The following GALNT13 variants were observed in gnomAD, a reference collection of about 807,000 sequenced individuals.
GALNT13 encodes the protein UDP-GalNAc:polypeptide N-acetylgalactosaminyltransferase 13.
A neutral mutation model predicts 64.2 loss-of-function variants in GALNT13; 28 were observed. The ratio of observed to expected loss-of-function variants is 0.44; its 90% CI spans 0.32 to 0.60. GALNT13 has a LOEUF of 0.60. Ranked by LOEUF, GALNT13 falls within the 20% of genes least tolerant of loss-of-function variation. The pLI is 0.05. For missense variants in GALNT13, 577 were observed against 669.8 expected (o/e 0.86, Z 1.53); for synonymous variants, 214 against 224.6 (o/e 0.95, Z 0.42).
chr2:153,700,035 C>CA, the GALNT13 span, among the ~76,000 whole-genome samples: 1 of 152,064 alleles, frequency 6.6e-6, no homozygotes, highest in Non-Finnish European at 1.5e-5. Flanking sequence ...AGAGACACAA[C>CA]AAAAAACCCC....
rs1049233321 is a variant in GALNT13 at position 154,217,441 on chromosome 2, C to T, written c.312-24589C>T. On this transcript the variant is annotated intron_variant, in intron 4 of 12. Coordinates refer to ENST00000392825, the MANE Select transcript of GALNT13 (RefSeq NM_052917.4). ...TAGTGGAAAGAAAGGTTATCAACAACATTTTTTTAAGTTTATGTTTTAACT... is the reference window on the plus strand; with the variant it reads ...TAGTGGAAAGAAAGGTTATCAACAATATTTTTTTAAGTTTATGTTTTAACT... 2.0e-5 allele frequency among the ~76,000 whole-genome samples: 3 copies of T among 152,050 alleles called. No homozygotes were observed. In the South Asian group the frequency reaches 6.2e-4, roughly 32 times the overall value.
chr2:153,286,038 C>A, the GALNT13 span, among the ~76,000 whole-genome samples: 1 of 151,950 alleles, frequency 6.6e-6, no homozygotes, highest in African/African-American at 2.4e-5. Context: ...TATAGAATAA[C>A]TAATAGCAGA....
chr2:154,427,659 G>A (rs1222247797), intron 11 of GALNT13, among the ~76,000 whole-genome samples: 2 of 152,188 alleles, frequency 1.3e-5, no homozygotes, highest in Admixed American at 1.3e-4. Context: ...CCTGTTTTTA[G>A]TTGTAGAATT....
chr2:153,428,626 A>G, the GALNT13 span, among the ~76,000 whole-genome samples: 1 of 152,202 alleles, frequency 6.6e-6, no homozygotes, highest in Non-Finnish European at 1.5e-5. Context: ...GTGGACAAAA[A>G]ATTGAACTGG....
intron 4 of GALNT13, among the ~76,000 whole-genome samples, chr2:154,182,561 CTG>C (rs1331968902): frequency 6.6e-6 from 1 of 150,864 alleles, no homozygotes; most frequent in African/African-American, 2.4e-5. Context: ...AACCCAAACA[CTG>C]TTTATGTAGG....
Position 154,075,863 on chromosome 2 carries a change from A to C in GALNT13, c.143-64474A>C, listed in dbSNP as rs550217446. Among the ~76,000 whole-genome samples the C allele has an allele frequency of 6.6e-5, 10 of 151,872 alleles. No individual in the cohort carries two copies. The East Asian group carries it at 1.7e-3, about 26-fold the overall frequency. ...GCTTTGTAAAAGTTATTCACTATTG[A>C]AATGGTATGTGTCAGTCATTGCTCT... On this transcript the variant is annotated intron_variant, in intron 3 of 12. Coordinates refer to ENST00000392825, the MANE Select transcript of GALNT13 (RefSeq NM_052917.4).
chr2:153,339,061 T>C, the GALNT13 span, among the ~76,000 whole-genome samples: 2 of 152,210 alleles, frequency 1.3e-5, no homozygotes, highest in Non-Finnish European at 2.9e-5. Context: ...CTTGGCTGTG[T>C]TGAATAATGC....
intron 4 of GALNT13, among the ~76,000 whole-genome samples, chr2:154,211,508 A>T (rs868619295): frequency 6.6e-6 from 1 of 151,622 alleles, no homozygotes; most frequent in African/African-American, 2.4e-5. Flanking sequence ...CATGCCTGTA[A>T]TTCCAGCTAC....
At chr2:153,423,145 A>T in the GALNT13 span, among the ~76,000 whole-genome samples, 1 of 151,966 alleles carries the variant, frequency 6.6e-6, no homozygotes, top group Non-Finnish European at 1.5e-5. Flanking sequence ...AAAGAAAAAC[A>T]TGCACATTTA....
chr2:154,053,061 A>G (rs888232272), intron 3 of GALNT13, among the ~76,000 whole-genome samples: 1 of 152,052 alleles, frequency 6.6e-6, no homozygotes, highest in African/African-American at 2.4e-5. Flanking sequence ...TTTTTTGGTT[A>G]TCACTTTTTC....
At chr2:153,537,955 C>T in the GALNT13 span, among the ~76,000 whole-genome samples, 1 of 152,240 alleles carries the variant, frequency 6.6e-6, no homozygotes, top group East Asian at 1.9e-4. Context: ...ACATTGGTAC[C>T]AGAAGTGGAT....
chr2:153,745,286 A>G, the GALNT13 span, among the ~76,000 whole-genome samples: 1 of 152,236 alleles, frequency 6.6e-6, no homozygotes, highest in Non-Finnish European at 1.5e-5. Context: ...AGAGCTGGTT[A>G]TTTAAAAAAT....
chr2:153,103,996 T>G, the GALNT13 span, among the ~76,000 whole-genome samples: 2 of 152,190 alleles, frequency 1.3e-5, no homozygotes, highest in African/African-American at 4.8e-5. Flanking sequence ...TCCTACCTTC[T>G]GAAGAGTAAT....
At chr2:153,129,050 G>C in the GALNT13 span, among the ~76,000 whole-genome samples, 2 of 152,146 alleles carry the variant, frequency 1.3e-5, no homozygotes, top group Admixed American at 1.3e-4. Context: ...GAATTTTTTA[G>C]ATAAGAGTAT....
At chr2:154,317,950 A>G (rs1007522619) in intron 9 of GALNT13, among the ~76,000 whole-genome samples, 1 of 151,062 alleles carries the variant, frequency 6.6e-6, no homozygotes, top group Non-Finnish European at 1.5e-5. Context: ...AAAAAAAATT[A>G]TATAAGTCAT....
At chr2:153,402,142 G>A in the GALNT13 span, among the ~76,000 whole-genome samples, 1 of 137,210 alleles carries the variant, frequency 7.3e-6, no homozygotes, top group South Asian at 2.4e-4. Flanking sequence ...AAATCTCTCA[G>A]CAATTGCTTG....
chr2:153,895,234 C>A (rs1228608534), intron 1 of GALNT13, among the ~76,000 whole-genome samples: 1 of 151,862 alleles, frequency 6.6e-6, no homozygotes, highest in Non-Finnish European at 1.5e-5. Context: ...GGTGATGAGA[C>A]CTGGAATAGT....
chr2:153,163,791 G>A, the GALNT13 span, among the ~76,000 whole-genome samples: 1 of 152,098 alleles, frequency 6.6e-6, no homozygotes. Flanking sequence ...AGGCCAAGGC[G>A]GGCGGATCAC....
chr2:153,337,182 A>G, the GALNT13 span, among the ~76,000 whole-genome samples: 1 of 152,148 alleles, frequency 6.6e-6, no homozygotes, highest in Admixed American at 6.5e-5. Flanking sequence ...TTTTTGATTG[A>G]GACAAGGTAG....
Sources: allele counts gnomAD v4.1 joint callset (sites outside exome capture counted in the v4.1 genomes callset), GRCh38; gene constraint gnomAD v4.1.1; transcripts MANE v1.5; gene names NCBI Gene and HGNC (gene_info 2026-07-23, HGNC 2026-07-21).